Variants in SLCO1C1 observed in about 807,000 individuals in gnomAD.
The protein encoded by SLCO1C1 is OAT-RP-5.
Under a neutral mutation model 76.4 loss-of-function variants are expected in SLCO1C1, and 70 were observed. The observed-to-expected ratio is 0.92, with a 90% CI of 0.76 to 1.12. SLCO1C1 has a LOEUF of 1.12. Among genes scored for constraint, SLCO1C1 ranks in the 50% most tolerant of loss-of-function variants. The probability of loss-of-function intolerance (pLI) is 0.00; values close to 1 mark genes in which losing one functional copy is unlikely to be tolerated. For missense variants in SLCO1C1, 912 were observed against 823.8 expected (o/e 1.11, Z -1.31); for synonymous variants, 306 against 286.1 (o/e 1.07, Z -0.70).
chr12:20,743,334 C>A lies in SLCO1C1; in HGVS notation c.1763C>A (p.Ala588Asp). Reference protein sequence around the residue: ...RCIKPQLKSFALGIYTLAIRV... With the variant: ...RCIKPQLKSFDLGIYTLAIRV... ...ATTAAGCCACAGCTTAAGTCTTTTG[C>A]CTTGGGTATCTACACATTAGCAATA... Residue 588 changes from alanine to aspartate, a missense_variant, in exon 13 of 15, where the codon GCC (alanine) becomes GAC (aspartate). Physicochemically the swap from Ala to Asp is moderately radical, Grantham distance 126. Coordinates refer to ENST00000266509, the MANE Select transcript of SLCO1C1 (RefSeq NM_017435.5). 6.2e-7 allele frequency: 1 copy of A among 1,612,642 alleles called. No homozygotes were observed. Among genetic ancestry groups the A allele is most frequent in the Non-Finnish European group, 8.5e-7 (1 of 1,179,212 alleles).
At chr12:20,718,728 T>G (rs1470475733) in intron 7 of SLCO1C1, among the ~76,000 whole-genome samples, 3 of 152,150 alleles carry the variant, frequency 2.0e-5, no homozygotes, top group Non-Finnish European at 2.9e-5. Flanking sequence ...ACATGAGGTT[T>G]TGAGCCTTCA....
intron 7 of SLCO1C1, among the ~76,000 whole-genome samples, chr12:20,719,949 G>T (rs1947575196): frequency 6.6e-6 from 1 of 152,170 alleles, no homozygotes; most frequent in South Asian, 2.1e-4. Context: ...GACCTTCACA[G>T]CCATAGAGGA....
At chr12:20,722,380 T>G (rs1393099336) in intron 8 of SLCO1C1, among the ~76,000 whole-genome samples, 1 of 152,216 alleles carries the variant, frequency 6.6e-6, no homozygotes, top group Non-Finnish European at 1.5e-5. Flanking sequence ...GTTGGCAGCC[T>G]TTCAACAGAT....
chr12:20,732,345 T>C (rs1948317016), intron 9 of SLCO1C1, among the ~76,000 whole-genome samples: 1 of 152,160 alleles, frequency 6.6e-6, no homozygotes, highest in Non-Finnish European at 1.5e-5. Flanking sequence ...GCTCTTAAGG[T>C]TGTGGGGAAA....
Position 20,740,261 on chromosome 12 carries a change from GA to G in SLCO1C1, c.1629del (p.Asp544ThrfsTer13). ...CCTCAGGCATAGTGGGAAGATGTCAGAAAGACAATGGATGTCCCCAAATGTT... is the reference window on the plus strand; with the variant it reads ...CCTCAGGCATAGTGGGAAGATGTCAGAAGACAATGGATGTCCCCAAATGTT... ...NSSGIVGRCQ[K>X]DNGCPQMFLY... On this transcript the variant is annotated frameshift_variant, in exon 12 of 15. Transcript: ENST00000266509. LOFTEE classifies it high-confidence loss of function. 2.5e-6 allele frequency: 4 copies of G among 1,613,912 alleles called. No individual in the cohort carries two copies. The highest frequency in any genetic ancestry group is 2.5e-6 in the Non-Finnish European group (3 of 1,179,912).
At chr12:20,699,815 AG>A (rs1455345789) in intron 2 of SLCO1C1, 110 bp downstream of exon 2, 10 of 1,193,102 alleles carry the variant, frequency 8.4e-6, no homozygotes, top group Non-Finnish European at 1.1e-5. Context: ...AAAAAAAAAA[AG>A]ATCTTAGATG....
intron 2 of SLCO1C1, 92 bp downstream of exon 2, chr12:20,699,797 TC>T (rs1946433121): frequency 1.5e-6 from 2 of 1,313,748 alleles, no homozygotes; most frequent in Non-Finnish European, 2.0e-6. Context: ...AATTGTTTTC[TC>T]CTTTAAAAAA....
chr12:20,722,630 C>T (rs529287635), intron 8 of SLCO1C1, among the ~76,000 whole-genome samples: 2 of 152,312 alleles, frequency 1.3e-5, no homozygotes, highest in South Asian at 2.1e-4. Flanking sequence ...CACCAATGCT[C>T]ATTTCTAACA....
intron 6 of SLCO1C1, among the ~76,000 whole-genome samples, chr12:20,716,193 A>C (rs1947352876): frequency 6.6e-6 from 1 of 152,218 alleles, no homozygotes; most frequent in South Asian, 2.1e-4. Flanking sequence ...TGAATAGGCT[A>C]TAGTTAAGAT....
chr12:20,723,394 T>A (rs1947780085), intron 9 of SLCO1C1, 140 bp downstream of exon 9: 1 of 1,034,048 alleles, frequency 9.7e-7, no homozygotes, highest in African/African-American at 1.6e-5. Context: ...AACAAGAATG[T>A]TGTAGCAAGA....
chr12:20,720,997 C>CAAAAAA (rs35297084), intron 7 of SLCO1C1, among the ~76,000 whole-genome samples: 6 of 43,954 alleles, frequency 1.4e-4, no homozygotes, highest in Non-Finnish European at 1.2e-4. Context: ...AACTCCATCT[C>CAAAAAA]AAAAAAAAAA....
chr12:20,726,672 T>C (rs1948016403), intron 9 of SLCO1C1, among the ~76,000 whole-genome samples: 1 of 152,114 alleles, frequency 6.6e-6, no homozygotes. Flanking sequence ...TTTCATTTTT[T>C]CTTTTGTCTT....
chr12:20,721,232 C>CA (rs1169119311), intron 7 of SLCO1C1, among the ~76,000 whole-genome samples: 1 of 152,114 alleles, frequency 6.6e-6, no homozygotes, highest in Admixed American at 6.6e-5. Flanking sequence ...AAAATGCTGT[C>CA]AAATAGCATT....
At chr12:20,727,695 G>C (rs1041161906) in intron 9 of SLCO1C1, among the ~76,000 whole-genome samples, 1 of 151,986 alleles carries the variant, frequency 6.6e-6, no homozygotes, top group African/African-American at 2.4e-5. Context: ...ATTTTTAGTA[G>C]AGACAGGGTT....
intron 10 of SLCO1C1, among the ~76,000 whole-genome samples, 187 bp from the exon 11 acceptor site, chr12:20,736,920 G>A (rs1208265265): frequency 6.6e-6 from 1 of 152,162 alleles, no homozygotes; most frequent in Non-Finnish European, 1.5e-5. Flanking sequence ...ACTTTCAAGA[G>A]AAAGCTGTTT....
At chr12:20,750,858 A>T (rs1949269122) in intron 14 of SLCO1C1, 66 bp downstream of exon 14, 1 of 1,613,826 alleles carries the variant, frequency 6.2e-7, no homozygotes, top group African/African-American at 1.3e-5. Context: ...AATGCCACTG[A>T]CACTAACAAG....
At chr12:20,735,601 G>A (rs1454632397) in intron 10 of SLCO1C1, among the ~76,000 whole-genome samples, 1 of 152,108 alleles carries the variant, frequency 6.6e-6, no homozygotes, top group Admixed American at 6.6e-5. Context: ...CATTCCTATA[G>A]CACATCTCAG....
rs914645913 is a variant in SLCO1C1, at chr12:20,710,200, CTTTT to C, written c.405-1164_405-1161del. Among the ~76,000 whole-genome samples the C allele has an allele frequency of 2.0e-4, 15 of 75,482 alleles. No homozygotes were observed. In the East Asian group the frequency reaches 4.6e-3, roughly 23 times the overall value. The allele number at this position is 75,482 out of a possible 152,430, so 49.5% of individuals were successfully genotyped here. A position where few individuals can be genotyped will look rare whatever the true frequency, so the allele number is the denominator to read the frequency against. On this transcript the variant is annotated intron_variant, in intron 4 of 14. Transcript: ENST00000266509. Reference sequence around the variant, plus strand: ...GCTGAATAAACAGTTCTCTACTTTTCTTTTTTTTTTTTTTTTTTTTTTTTTGAGA... The same window carrying C: ...GCTGAATAAACAGTTCTCTACTTTTCTTTTTTTTTTTTTTTTTTTTTGAGA...
At chr12:20,699,479 T>C (rs1946415625) in intron 1 of SLCO1C1, 73 bp from the exon 2 acceptor site, 6 of 1,237,218 alleles carry the variant, frequency 4.8e-6, no homozygotes, top group African/African-American at 1.6e-5. Context: ...AATTGTGGTA[T>C]ACTGTTGAAT....
Sources: gnomAD v4.1 joint callset for allele counts (sites outside exome capture counted in the v4.1 genomes callset) on GRCh38, gnomAD v4.1.1 for gene constraint, MANE v1.5 for transcripts, NCBI Gene and HGNC (gene_info 2026-07-23, HGNC 2026-07-21) for gene names.